Variants in BNC2 observed in about 807,000 individuals in gnomAD.
BNC2 encodes zinc finger protein basonuclin-2.
Under a neutral mutation model 76.3 loss-of-function variants are expected in BNC2, and 20 were observed. That is an observed-to-expected ratio of 0.26 (90% CI 0.18 to 0.38). BNC2 has a LOEUF of 0.38. Ranked by LOEUF, BNC2 falls within the 10% of genes least tolerant of loss-of-function variation. BNC2 has a pLI of 1.00. For missense variants in BNC2, 1,382 were observed against 1,399.8 expected, an observed-to-expected ratio of 0.99 and a Z score of 0.20; for synonymous variants, 582 against 514.8, an observed-to-expected ratio of 1.13 and a Z score of -1.77.
intron 5 of BNC2, among the ~76,000 whole-genome samples, chr9:16,464,314 A>G (rs952665610): frequency 1.5e-4 from 23 of 152,230 alleles, no homozygotes; most frequent in Non-Finnish European, 4.4e-5. Flanking sequence ...CTGCTCCAAG[A>G]GTACAGTGTC....
At chr9:16,662,374 T>C (rs1033568456) in intron 3 of BNC2, among the ~76,000 whole-genome samples, 1 of 152,210 alleles carries the variant, frequency 6.6e-6, no homozygotes, top group Admixed American at 6.5e-5. Context: ...GAGTCATACC[T>C]TAAAATAAAT....
At chr9:16,554,486 A>C (rs1396645409) in intron 4 of BNC2, among the ~76,000 whole-genome samples, 1 of 152,108 alleles carries the variant, frequency 6.6e-6, no homozygotes, top group African/African-American at 2.4e-5. Context: ...CTTGCAGCTG[A>C]TTTGTCTGAT....
At chr9:16,684,460 T>C (rs574827274) in intron 3 of BNC2, among the ~76,000 whole-genome samples, 1 of 152,230 alleles carries the variant, frequency 6.6e-6, no homozygotes, top group African/African-American at 2.4e-5. Context: ...GCAGGTGTGC[T>C]AGAGATGGCA....
intron 1 of BNC2, among the ~76,000 whole-genome samples, chr9:16,759,429 ATTTT>A (rs971335927): frequency 6.6e-6 from 1 of 151,530 alleles, no homozygotes; most frequent in Non-Finnish European, 1.5e-5. Flanking sequence ...ATTTTCCTTA[ATTTT>A]TTTTTACACT....
At chr9:16,449,280 T>G (rs1169941916) in intron 5 of BNC2, among the ~76,000 whole-genome samples, 1 of 152,196 alleles carries the variant, frequency 6.6e-6, no homozygotes, top group African/African-American at 2.4e-5. Flanking sequence ...TTAGAAGCAC[T>G]TTTACAAGTG....
At chr9:16,651,644 A>G (rs909830418) in intron 3 of BNC2, among the ~76,000 whole-genome samples, 4 of 152,194 alleles carry the variant, frequency 2.6e-5, no homozygotes, top group African/African-American at 9.7e-5. Context: ...AAAATGGCTC[A>G]TCAATCTGTT....
intron 5 of BNC2, among the ~76,000 whole-genome samples, chr9:16,449,384 T>C (rs184676190): frequency 1.2e-4 from 18 of 152,230 alleles, no homozygotes; most frequent in African/African-American, 4.3e-4. Flanking sequence ...CCCTAGCGCT[T>C]TGACAGATTA....
At chr9:16,454,601 A>AT (rs1821409170) in intron 5 of BNC2, among the ~76,000 whole-genome samples, 2 of 152,050 alleles carry the variant, frequency 1.3e-5, no homozygotes, top group African/African-American at 4.8e-5. Context: ...ACACAACACA[A>AT]TTTTTATGAA....
chr9:16,640,109 A>G (rs1415019070), intron 3 of BNC2, among the ~76,000 whole-genome samples: 4 of 152,122 alleles, frequency 2.6e-5, no homozygotes, highest in African/African-American at 9.7e-5. Flanking sequence ...AAAAATAGAG[A>G]CTAGCAAAGA....
chr9:16,832,181 T>G, intron 1 of BNC2: 1 of 791,294 alleles, frequency 1.3e-6, no homozygotes, highest in Non-Finnish European at 1.8e-6. Flanking sequence ...TCATGCGCCC[T>G]TATTAAAACT....
chr9:16,709,874 A>G (rs961240079), intron 3 of BNC2, among the ~76,000 whole-genome samples: 3 of 152,184 alleles, frequency 2.0e-5, no homozygotes, highest in Non-Finnish European at 4.4e-5. Flanking sequence ...TGTTTTAATT[A>G]AGATTATGTC....
At chr9:16,709,344 T>C (rs1049794427) in intron 3 of BNC2, among the ~76,000 whole-genome samples, 3 of 152,350 alleles carry the variant, frequency 2.0e-5, no homozygotes, top group African/African-American at 7.2e-5. Flanking sequence ...CACGCTGCCA[T>C]CGTCAGAATT....
intron 1 of BNC2, among the ~76,000 whole-genome samples, chr9:16,766,029 C>T (rs1422479178): frequency 6.6e-6 from 1 of 152,224 alleles, no homozygotes; most frequent in Admixed American, 6.5e-5. Flanking sequence ...CCTCGTGATC[C>T]GCCCGCCTTG....
At chr9:16,428,157 A>G (rs188847348) in intron 6 of BNC2, among the ~76,000 whole-genome samples, 3 of 152,330 alleles carry the variant, frequency 2.0e-5, no homozygotes, top group African/African-American at 4.8e-5. Context: ...AAATAGAACA[A>G]AAGTGCTCTC....
intron 4 of BNC2, among the ~76,000 whole-genome samples, chr9:16,573,484 T>G (rs144327484): frequency 6.6e-6 from 1 of 152,044 alleles, no homozygotes; most frequent in African/African-American, 2.4e-5. Flanking sequence ...ACATTTCAAG[T>G]GTTCAAAGCC....
At chr9:16,624,318 T>A (rs1820936375) in intron 3 of BNC2, among the ~76,000 whole-genome samples, 1 of 152,108 alleles carries the variant, frequency 6.6e-6, no homozygotes, top group Non-Finnish European at 1.5e-5. Flanking sequence ...ATACCAAACT[T>A]TTCATGGCTT....
At chr9:16,677,433 C>A (rs1265143959) in intron 3 of BNC2, among the ~76,000 whole-genome samples, 1 of 152,052 alleles carries the variant, frequency 6.6e-6, no homozygotes, top group African/African-American at 2.4e-5. Context: ...ATTAACTGGA[C>A]ATGGTGGTGA....
intron 1 of BNC2, among the ~76,000 whole-genome samples, chr9:16,822,388 G>A (rs1432170906): frequency 6.6e-6 from 1 of 152,062 alleles, no homozygotes; most frequent in African/African-American, 2.4e-5. Flanking sequence ...CTTGCCCACG[G>A]TCAGAGATCA....
In BNC2 at chr9:16,549,585, T is replaced by C. The variant is rs572989090; in HGVS notation, c.669+2945A>G. 3.3e-5 allele frequency among the ~76,000 whole-genome samples: 5 copies of C among 152,342 alleles called. 1 individual carries two copies. The South Asian group carries it at 1.0e-3, about 32-fold the overall frequency. On this transcript the variant is annotated intron_variant, in intron 5 of 6. Transcript: ENST00000380672. The stretch of plus-strand genomic sequence containing the variant: ...CATATACAATTATATTCAAAGTAAT[T>C]TGTGCACACCTTATCATTACCACAT...
Sources: allele counts gnomAD v4.1 joint callset (sites outside exome capture counted in the v4.1 genomes callset), GRCh38; gene constraint gnomAD v4.1.1; transcripts MANE v1.5; gene names NCBI Gene and HGNC (gene_info 2026-07-23, HGNC 2026-07-21).